SDK1: variants seen among roughly 807,000 people sequenced by gnomAD.
The protein encoded by SDK1 is protein sidekick-1.
In SDK1, 157 loss-of-function variants were observed where a neutral mutation model predicts 245.5. The observed-to-expected ratio is 0.64, with a 90% CI of 0.56 to 0.73. SDK1 has a LOEUF of 0.73. SDK1 is among the 30% of genes least tolerant of loss of function. The pLI, the probability that SDK1 is intolerant of heterozygous loss-of-function variation, is 0.00. For synonymous variants in SDK1, 1,647 were observed against 1,278.5 expected (o/e 1.29, Z -6.15); for missense variants, 3,583 against 3,002.3 (o/e 1.19, Z -4.52).
intron 5 of SDK1, among the ~76,000 whole-genome samples, chr7:3,946,809 A>G (rs1446340729): frequency 6.6e-6 from 1 of 152,206 alleles, no homozygotes; most frequent in African/African-American, 2.4e-5. Flanking sequence ...AGGAAAGGGA[A>G]TGTCTCTGTG....
At chr7:3,698,629 C>T (rs1338230399) in intron 4 of SDK1, among the ~76,000 whole-genome samples, 1 of 152,138 alleles carries the variant, frequency 6.6e-6, no homozygotes, top group Non-Finnish European at 1.5e-5. Context: ...ACGTCTATTT[C>T]CTCACAGTTC....
At chr7:3,385,259 C>A (rs537478505) in intron 1 of SDK1, among the ~76,000 whole-genome samples, 1 of 152,042 alleles carries the variant, frequency 6.6e-6, no homozygotes, top group Non-Finnish European at 1.5e-5. Flanking sequence ...TAGAAGACAT[C>A]AAAAACTTAT....
At chr7:3,725,680 C>T (rs191320274) in intron 4 of SDK1, among the ~76,000 whole-genome samples, 1 of 152,184 alleles carries the variant, frequency 6.6e-6, no homozygotes, top group Non-Finnish European at 1.5e-5. Flanking sequence ...TTCTCTGTCC[C>T]TGGAGCCCCA....
intron 4 of SDK1, among the ~76,000 whole-genome samples, chr7:3,655,501 A>ATATGTATGTATGTATGTATG (rs1283673481): frequency 7.6e-5 from 4 of 52,818 alleles, no homozygotes; most frequent in African/African-American, 2.3e-4. Flanking sequence ...ATATATATAT[A>ATATGTATGTATGTATGTATG]TATGTATGTA....
intron 17 of SDK1, among the ~76,000 whole-genome samples, chr7:4,034,027 T>C (rs1272860553): frequency 6.6e-6 from 1 of 152,086 alleles, no homozygotes; most frequent in African/African-American, 2.4e-5. Flanking sequence ...GCACCACCAG[T>C]AATGGGGCAC....
intron 1 of SDK1, among the ~76,000 whole-genome samples, chr7:3,585,911 C>G (rs771501832): frequency 1.3e-5 from 2 of 152,122 alleles, no homozygotes; most frequent in Non-Finnish European, 2.9e-5. Flanking sequence ...CATCTCAGGG[C>G]CTCTACCATT....
chr7:3,489,237 A>C (rs1781796656), intron 1 of SDK1, among the ~76,000 whole-genome samples: 2 of 152,190 alleles, frequency 1.3e-5, no homozygotes, highest in South Asian at 4.1e-4. Context: ...TCATCTGCAC[A>C]GTTGAATACT....
At chr7:3,751,760 C>A (rs971912510) in intron 4 of SDK1, among the ~76,000 whole-genome samples, 1 of 152,192 alleles carries the variant, frequency 6.6e-6, no homozygotes, top group African/African-American at 2.4e-5. Flanking sequence ...GCCCTGAGGT[C>A]ACCTTGCCTG....
chr7:4,097,373 C>A (rs1284546898), intron 22 of SDK1, among the ~76,000 whole-genome samples: 1 of 152,230 alleles, frequency 6.6e-6, no homozygotes, highest in African/African-American at 2.4e-5. Flanking sequence ...TCAGTGAGAG[C>A]AGGGACTTTG....
intron 4 of SDK1, among the ~76,000 whole-genome samples, chr7:3,762,281 G>T (rs1223578216): frequency 6.6e-6 from 1 of 152,156 alleles, no homozygotes; most frequent in African/African-American, 2.4e-5. Flanking sequence ...GGCATTTTTG[G>T]TGGTCCTGAT....
intron 4 of SDK1, among the ~76,000 whole-genome samples, chr7:3,668,503 C>G (rs1202107305): frequency 6.6e-6 from 1 of 152,180 alleles, no homozygotes; most frequent in Non-Finnish European, 1.5e-5. Flanking sequence ...GGGCCTGGTG[C>G]AGTGGCTCAC....
At chr7:4,082,113 G>T (rs1346211105) in intron 22 of SDK1, among the ~76,000 whole-genome samples, 1 of 152,154 alleles carries the variant, frequency 6.6e-6, no homozygotes, top group Non-Finnish European at 1.5e-5. Context: ...CTTACCGTGG[G>T]GGTGACAGTG....
chr7:3,820,951 A>G (rs1054930414), intron 4 of SDK1, among the ~76,000 whole-genome samples: 1 of 152,274 alleles, frequency 6.6e-6, no homozygotes. Context: ...GGGGGGCAGC[A>G]CTGTGCCCAT....
At chr7:4,136,976 GA>G (rs1310774587) in intron 28 of SDK1, among the ~76,000 whole-genome samples, 1 of 152,208 alleles carries the variant, frequency 6.6e-6, no homozygotes, top group Non-Finnish European at 1.5e-5. Context: ...CGGGTTCTCT[GA>G]CCCACTTGCC....
intron 1 of SDK1, among the ~76,000 whole-genome samples, chr7:3,369,602 A>G (rs932059956): frequency 1.3e-5 from 2 of 152,236 alleles, no homozygotes; most frequent in African/African-American, 4.8e-5. Context: ...TACATCTCCT[A>G]TTGAAGAATA....
At chr7:4,210,623 G>C (rs991455728) in intron 38 of SDK1, among the ~76,000 whole-genome samples, 6 of 152,114 alleles carry the variant, frequency 3.9e-5, no homozygotes, top group Non-Finnish European at 8.8e-5. Flanking sequence ...TTAGCACCCT[G>C]GTGCTCCCCT....
chr7:3,666,114 A>C (rs1049857946), intron 4 of SDK1, among the ~76,000 whole-genome samples: 2 of 152,008 alleles, frequency 1.3e-5, no homozygotes, highest in African/African-American at 4.8e-5. Flanking sequence ...TTCACCTCCT[A>C]ATCCAGTTAA....
At chr7:3,548,977 A>C (rs1468148262) in intron 1 of SDK1, among the ~76,000 whole-genome samples, 1 of 152,174 alleles carries the variant, frequency 6.6e-6, no homozygotes. Flanking sequence ...TACTCTCCCT[A>C]CTATCAATAT....
intron 1 of SDK1, among the ~76,000 whole-genome samples, chr7:3,318,725 A>G (rs1396876687): frequency 6.6e-6 from 1 of 152,152 alleles, no homozygotes; most frequent in Non-Finnish European, 1.5e-5. Flanking sequence ...TGATGAATAT[A>G]TTGACCTAGC....
Sources: gnomAD v4.1 joint callset for allele counts (sites outside exome capture counted in the v4.1 genomes callset) on GRCh38, gnomAD v4.1.1 for gene constraint, MANE v1.5 for transcripts, NCBI Gene and HGNC (gene_info 2026-07-23, HGNC 2026-07-21) for gene names.